CADM2: variants seen among roughly 807,000 people sequenced by gnomAD.
CADM2 encodes immunoglobulin superfamily member 4D.
Under a neutral mutation model 49.8 loss-of-function variants are expected in CADM2, and 12 were observed. The ratio of observed to expected loss-of-function variants is 0.24; its 90% CI spans 0.15 to 0.39. CADM2 has a LOEUF of 0.39. CADM2 is among the 10% of genes least tolerant of loss of function. The probability of loss-of-function intolerance (pLI) is 1.00; values close to 1 mark genes in which losing one functional copy is unlikely to be tolerated. For synonymous variants in CADM2, 214 were observed against 175.4 expected (o/e 1.22, Z -1.74); for missense variants, 378 against 492.3 (o/e 0.77, Z 2.20).
chr3:85,434,565 C>T (rs1290588078), intron 1 of CADM2, among the ~76,000 whole-genome samples: 6 of 151,996 alleles, frequency 3.9e-5, no homozygotes, highest in African/African-American at 9.7e-5. Flanking sequence ...ATTCTACATT[C>T]CTATGACGAT....
intron 2 of CADM2, among the ~76,000 whole-genome samples, chr3:85,786,992 C>T (rs1017586165): frequency 2.0e-5 from 3 of 151,886 alleles, no homozygotes; most frequent in African/African-American, 7.3e-5. Flanking sequence ...TTGTTATTCA[C>T]TCAAAGAAAT....
intron 1 of CADM2, among the ~76,000 whole-genome samples, chr3:85,084,365 C>A (rs890915380): frequency 6.6e-6 from 1 of 152,094 alleles, no homozygotes. Context: ...TCGTTCACTT[C>A]GAAACATATG....
intron 1 of CADM2, among the ~76,000 whole-genome samples, chr3:85,145,629 C>A (rs903682494): frequency 6.6e-6 from 1 of 151,926 alleles, no homozygotes; most frequent in African/African-American, 2.4e-5. Flanking sequence ...GTGTCTATCA[C>A]CCTTAGTTTG....
chr3:85,770,261 C>T (rs1371224995), intron 2 of CADM2, among the ~76,000 whole-genome samples: 1 of 152,082 alleles, frequency 6.6e-6, no homozygotes, highest in African/African-American at 2.4e-5. Flanking sequence ...AGAATCCTCA[C>T]ATGGCTGTAA....
intron 2 of CADM2, among the ~76,000 whole-genome samples, chr3:85,759,448 A>G (rs576731556): frequency 5.3e-5 from 8 of 152,254 alleles, no homozygotes; most frequent in South Asian, 2.1e-4. Context: ...ATGATATTGC[A>G]TAAGCAATAA....
chr3:85,009,345 G>T (rs900671993), intron 1 of CADM2, among the ~76,000 whole-genome samples: 3 of 152,114 alleles, frequency 2.0e-5, no homozygotes, highest in Admixed American at 2.0e-4. Context: ...AGGTAATTTG[G>T]TGGATCTGTT....
chr3:85,007,472 C>T (rs545589821), intron 1 of CADM2, among the ~76,000 whole-genome samples: 1 of 152,218 alleles, frequency 6.6e-6, no homozygotes, highest in African/African-American at 2.4e-5. Flanking sequence ...AGTTTCTCAA[C>T]CAACCCCTGG....
intron 3 of CADM2, among the ~76,000 whole-genome samples, chr3:85,881,829 G>A (rs901797243): frequency 1.8e-4 from 27 of 152,142 alleles, no homozygotes; most frequent in African/African-American, 6.5e-4. Context: ...ATGTGTGGGG[G>A]ATGGTTTTGG....
chr3:85,701,864 GATAGATAGATAGA>G (rs1559601590), intron 1 of CADM2, among the ~76,000 whole-genome samples: 1 of 53,470 alleles, frequency 1.9e-5, no homozygotes, highest in South Asian at 5.2e-4. Context: ...GTAAAAGATA[GATAGATAGATAGA>G]TAGATAGATA....
chr3:85,302,640 C>T (rs72921330), intron 1 of CADM2, among the ~76,000 whole-genome samples: 1 of 151,772 alleles, frequency 6.6e-6, no homozygotes, highest in Non-Finnish European at 1.5e-5. Context: ...CTATAATTAT[C>T]GTATATTATA....
chr3:85,150,603 C>T (rs2107645151), intron 1 of CADM2, among the ~76,000 whole-genome samples: 1 of 152,134 alleles, frequency 6.6e-6, no homozygotes, highest in South Asian at 2.1e-4. Flanking sequence ...GAAATTCAAT[C>T]CATTAAGAAA....
chr3:85,861,585 G>A (rs1448614826), intron 3 of CADM2, among the ~76,000 whole-genome samples: 2 of 152,082 alleles, frequency 1.3e-5, no homozygotes, highest in Non-Finnish European at 2.9e-5. Context: ...TCAGGGGGTA[G>A]GTATAGGCTG....
intron 1 of CADM2, among the ~76,000 whole-genome samples, chr3:85,452,141 A>G (rs1440764028): frequency 6.6e-6 from 1 of 152,006 alleles, no homozygotes; most frequent in African/African-American, 2.4e-5. Context: ...ACAGGTTATT[A>G]TTTTGTTTGG....
At chr3:85,564,976 T>G (rs1422565423) in intron 1 of CADM2, among the ~76,000 whole-genome samples, 2 of 152,122 alleles carry the variant, frequency 1.3e-5, no homozygotes, top group African/African-American at 4.8e-5. Context: ...GCTTTAGATA[T>G]GCATAGATCT....
At chr3:85,700,294 A>G (rs1355599303) in intron 1 of CADM2, among the ~76,000 whole-genome samples, 2 of 152,106 alleles carry the variant, frequency 1.3e-5, no homozygotes, top group Non-Finnish European at 2.9e-5. Flanking sequence ...ATGAGAACAC[A>G]TGGACACAGG....
At chr3:85,460,615 C>A (rs993611435) in intron 1 of CADM2, among the ~76,000 whole-genome samples, 1 of 151,974 alleles carries the variant, frequency 6.6e-6, no homozygotes, top group African/African-American at 2.4e-5. Context: ...TTTACCATTG[C>A]GATTTCTTCA....
At chr3:85,148,463 T>G (rs1394290122) in intron 1 of CADM2, among the ~76,000 whole-genome samples, 1 of 152,206 alleles carries the variant, frequency 6.6e-6, no homozygotes, top group Non-Finnish European at 1.5e-5. Context: ...TTAGAATTGT[T>G]GGACACAAAT....
chr3:85,030,733 A>C (rs750372053), intron 1 of CADM2, among the ~76,000 whole-genome samples: 3 of 152,110 alleles, frequency 2.0e-5, no homozygotes, highest in South Asian at 2.1e-4. Flanking sequence ...CCTCCCAGCC[A>C]GGTCTTCAAT....
intron 1 of CADM2, among the ~76,000 whole-genome samples, chr3:85,337,026 T>TATAA (rs1445884157): frequency 7.3e-6 from 1 of 136,566 alleles, no homozygotes; most frequent in Non-Finnish European, 1.6e-5. Context: ...TATAAATAAA[T>TATAA]ATAAATATAT....
Sources: allele counts gnomAD v4.1 joint callset (sites outside exome capture counted in the v4.1 genomes callset), GRCh38; gene constraint gnomAD v4.1.1; transcripts MANE v1.5; gene names NCBI Gene and HGNC (gene_info 2026-07-23, HGNC 2026-07-21).